KTN1: variants seen among roughly 807,000 people sequenced by gnomAD.
KTN1 encodes the protein kinectin 1, also known as kinectin.
In KTN1, 130 loss-of-function variants were observed where a neutral mutation model predicts 222.5. The ratio of observed to expected loss-of-function variants is 0.58; its 90% CI spans 0.51 to 0.68. The LOEUF is 0.68. Among genes scored for constraint, KTN1 ranks in the 30% least tolerant of loss-of-function variants. KTN1 has a pLI of 0.00. For missense variants in KTN1, 1,508 were observed against 1,500.4 expected (o/e 1.01, Z -0.08); for synonymous variants, 512 against 496.3 (o/e 1.03, Z -0.42).
intron 5 of KTN1, among the ~76,000 whole-genome samples, chr14:55,626,093 C>T (rs2039785529): frequency 6.6e-6 from 1 of 151,928 alleles, no homozygotes; most frequent in Admixed American, 6.6e-5. Flanking sequence ...TTCAAGTTAG[C>T]TTTTATTACT....
intron 1 of KTN1, among the ~76,000 whole-genome samples, chr14:55,596,866 C>G (rs556193046): frequency 6.6e-6 from 1 of 151,024 alleles, no homozygotes; most frequent in Admixed American, 6.6e-5. Flanking sequence ...TATATCAAAG[C>G]TACACTTATT....
At chr14:55,641,892 T>G in intron 18 of KTN1, 132 bp downstream of exon 18, 1 of 646,808 alleles carries the variant, frequency 1.5e-6, no homozygotes. Flanking sequence ...TGCCTTTCTA[T>G]TCATCCTGTA....
intron 9 of KTN1, among the ~76,000 whole-genome samples, chr14:55,635,781 A>G (rs2041054823): frequency 6.6e-6 from 1 of 152,198 alleles, no homozygotes; most frequent in Admixed American, 6.5e-5. Flanking sequence ...ATTCCTACCT[A>G]GGTCATTGAT....
In KTN1 at chr14:55,621,846, C is replaced by CT. The variant is rs10618434; in HGVS notation, c.963+2554dup. 8.1e-3 allele frequency among the ~76,000 whole-genome samples: 1,011 copies of CT among 124,218 alleles called. 19 individuals carry two copies. The highest frequency in any genetic ancestry group is 0.033 in the Admixed American group (407 of 12,178). 81.5% of individuals were successfully genotyped at this position (124,218 alleles called of 152,430 possible). ...AAAATAAGTAAGATGATTTATATTACTTTTTTTTTTTTTTTTTTTTGAGAC... is the reference window on the plus strand; with the variant it reads ...AAAATAAGTAAGATGATTTATATTACTTTTTTTTTTTTTTTTTTTTTGAGAC... On this transcript the variant is annotated intron_variant, in intron 5 of 43. Coordinates refer to ENST00000395314, the MANE Select transcript of KTN1 (RefSeq NM_001079521.2).
At chr14:55,671,903 C>T in intron 37 of KTN1, 26 bp downstream of exon 37, 1 of 1,343,134 alleles carries the variant, frequency 7.4e-7, no homozygotes. Context: ...AAGCTTAGAG[C>T]AGTGGTTCTC....
intron 1 of KTN1, among the ~76,000 whole-genome samples, chr14:55,591,863 A>G (rs2034213811): frequency 1.3e-5 from 2 of 152,152 alleles, no homozygotes; most frequent in South Asian, 4.1e-4. Flanking sequence ...GGCGTGAGCC[A>G]CTGCACCTGG....
chr14:55,672,534 C>G, intron 37 of KTN1, 96 bp from the exon 38 acceptor site: 1 of 708,940 alleles, frequency 1.4e-6, no homozygotes, highest in East Asian at 2.6e-5. Context: ...ATTTCAAAAC[C>G]TTGGAAGTGT....
chr14:55,673,341 C>G, intron 40 of KTN1, 86 bp downstream of exon 40: 1 of 777,062 alleles, frequency 1.3e-6, no homozygotes, highest in Non-Finnish European at 2.1e-6. Context: ...GCTTTTTTTT[C>G]TTTGCTAACA....
rs765250590 is a variant in KTN1, at chr14:55,612,457, A to G, written c.409A>G (p.Lys137Glu). ...GGTCATCAAAGAAAGTGACGCATCAAAGATTCCTGGCAAAAAAGTAGAACC... is the reference window on the plus strand; with the variant it reads ...GGTCATCAAAGAAAGTGACGCATCAGAGATTCCTGGCAAAAAAGTAGAACC... ...EQVIKESDASKIPGKKVEPVP... is the reference protein window; with the variant it reads ...EQVIKESDASEIPGKKVEPVP... Residue 137 changes from lysine to glutamate, a missense_variant, in exon 2 of 44, where the codon AAG becomes GAG. By Grantham distance (56) the Lys-to-Glu change is moderately conservative. Coordinates refer to ENST00000395314, the MANE Select transcript of KTN1 (RefSeq NM_001079521.2). The G allele has an allele frequency of 1.9e-6, 3 of 1,614,218 alleles. No homozygotes were observed. Among genetic ancestry groups the G allele is most frequent in the Non-Finnish European group, 2.5e-6 (3 of 1,180,024 alleles).
intron 37 of KTN1, 167 bp downstream of exon 37, chr14:55,672,044 C>A (rs972562332): frequency 1.8e-6 from 1 of 562,298 alleles, no homozygotes; most frequent in African/African-American, 1.9e-5. Context: ...CCAGAATAGT[C>A]TAATGCCCAC....
At chr14:55,603,448 T>C (rs2036267969) in intron 1 of KTN1, among the ~76,000 whole-genome samples, 1 of 152,226 alleles carries the variant, frequency 6.6e-6, no homozygotes, top group Admixed American at 6.5e-5. Flanking sequence ...TGTATTTTAC[T>C]TACCAACCCC....
rs2046596233 is a variant in KTN1 at position 55,684,169 on chromosome 14, C to CA, written c.*66_*67insA. On this transcript the variant is annotated 3_prime_UTR_variant, in exon 44 of 44. Transcript: ENST00000395314. ...TGTATTATATTTTGCCAAATTAAAG[C>CA]CTTATTTATGTTTTCACCCTTTCTA... The CA allele has an allele frequency of 2.3e-6, 3 of 1,296,674 alleles. No homozygotes were observed. Among genetic ancestry groups the CA allele is most frequent in the Non-Finnish European group, 2.2e-6 (2 of 914,260 alleles). 80.3% of individuals were successfully genotyped at this position (1,296,674 alleles called of 1,614,324 possible). A position where few individuals can be genotyped will look rare whatever the true frequency, so the allele number is the denominator to read the frequency against.
intron 40 of KTN1, chr14:55,675,274 T>C (rs2045797932): frequency 6.6e-6 from 1 of 152,184 alleles, no homozygotes; most frequent in African/African-American, 2.4e-5. Context: ...TTTTGACAGA[T>C]TGGGTTATTC....
At chr14:55,598,315 G>GTCCC (rs1555359033) in intron 1 of KTN1, among the ~76,000 whole-genome samples, 1 of 151,820 alleles carries the variant, frequency 6.6e-6, no homozygotes, top group East Asian at 1.9e-4. Flanking sequence ...GGCGCCTGTA[G>GTCCC]TCCCAGCTAC....
chr14:55,661,389 C>T, intron 31 of KTN1, 133 bp from the exon 32 acceptor site: 1 of 548,562 alleles, frequency 1.8e-6, no homozygotes, highest in Non-Finnish European at 3.3e-6. Flanking sequence ...AGTAGGTAGA[C>T]TCTTTAATGT....
intron 42 of KTN1, chr14:55,678,726 A>AGTG (rs1246060463): frequency 3.0e-6 from 1 of 334,754 alleles, no homozygotes; most frequent in Non-Finnish European, 5.6e-6. Context: ...GCAGGAGATG[A>AGTG]GTGGTGGGTG....
At position 55,684,481 on chromosome 14, in the gene KTN1, A is replaced by G; in HGVS notation, c.*378A>G. 1 of 226,030 alleles carries G rather than the reference A, an allele frequency of 4.4e-6. No individual in the cohort carries two copies. The highest frequency in any genetic ancestry group is 8.8e-6 in the Non-Finnish European group (1 of 114,212). 14.0% of individuals were successfully genotyped at this position (226,030 alleles called of 1,614,324 possible). On this transcript the variant is annotated 3_prime_UTR_variant, in exon 44 of 44. Coordinates refer to ENST00000395314, the MANE Select transcript of KTN1 (RefSeq NM_001079521.2). ...TGTTTTACTTAACATTTTGGGAAGT[A>G]ACTGCCTCTGACTTCAACTCAAGAA... is the stretch of plus-strand genomic sequence containing the variant.
intron 40 of KTN1, chr14:55,674,115 TA>T (rs1160097000): frequency 6.6e-6 from 1 of 152,158 alleles, no homozygotes; most frequent in African/African-American, 2.4e-5. Context: ...TTACTCCATG[TA>T]CCAAGAAAAC....
intron 3 of KTN1, 96 bp from the exon 4 acceptor site, chr14:55,617,868 T>C (rs1204756804): frequency 1.1e-6 from 1 of 930,726 alleles, no homozygotes; most frequent in African/African-American, 1.7e-5. Flanking sequence ...AGTAAATGTT[T>C]CAAAAGAACT....
Sources: gnomAD v4.1 joint callset for allele counts (sites outside exome capture counted in the v4.1 genomes callset) on GRCh38, gnomAD v4.1.1 for gene constraint, MANE v1.5 for transcripts, NCBI Gene and HGNC (gene_info 2026-07-23, HGNC 2026-07-21) for gene names.